TTYH2: variants seen among roughly 807,000 people sequenced by gnomAD.
The protein encoded by TTYH2 is tweety family member 2, also known as protein tweety homolog 2.
A neutral mutation model predicts 68.3 loss-of-function variants in TTYH2; 49 were observed. That is an observed-to-expected ratio of 0.72 (90% CI 0.57 to 0.91). The LOEUF (loss-of-function observed/expected upper bound fraction) is 0.91. Among genes scored for constraint, TTYH2 ranks in the 40% least tolerant of loss-of-function variants. The pLI is 0.00. For synonymous variants in TTYH2, 272 were observed against 300.8 expected, an observed-to-expected ratio of 0.90 and a Z score of 0.99; for missense variants, 631 against 700.4, an observed-to-expected ratio of 0.90 and a Z score of 1.12.
intron 3 of TTYH2, among the ~76,000 whole-genome samples, chr17:74,235,572 G>T (rs1422529264): frequency 1.3e-5 from 2 of 152,198 alleles, no homozygotes; most frequent in African/African-American, 4.8e-5. Flanking sequence ...AGCCAGCTAG[G>T]GTTGACCACT....
At position 74,234,335 on chromosome 17, in the gene TTYH2, C is replaced by G. The variant is rs116032671; in HGVS notation, c.415-2959C>G. 8.2e-3 allele frequency among the ~76,000 whole-genome samples: 1,256 copies of G among 152,318 alleles called. 11 individuals are homozygous for G. Among genetic ancestry groups the G allele is most frequent in the African/African-American group, 0.018 (762 of 41,566 alleles). ...CCCAGCCTGGAAAACTGACCTGTCC[C>G]TCCTGTTCTCAGAGCTTTCCGTGAG... On this transcript the variant is annotated intron_variant, in intron 3 of 13. Coordinates refer to ENST00000269346, the MANE Select transcript of TTYH2 (RefSeq NM_032646.6).
At position 74,214,301 on chromosome 17, in the gene TTYH2, C is replaced by T. The variant is rs1336976066; in HGVS notation, c.129+585C>T. Among the ~76,000 whole-genome samples, 1 of 152,106 alleles carries T rather than the reference C, an allele frequency of 6.6e-6. No individual in the cohort carries two copies. Among genetic ancestry groups the T allele is most frequent in the Non-Finnish European group, 1.5e-5 (1 of 68,014 alleles). On this transcript the variant is annotated intron_variant, in intron 1 of 13. Transcript: ENST00000269346. The surrounding 1 kb of genome is among the most constrained non-coding windows in gnomAD (Gnocchi z 4.6). Reference sequence around the variant, plus strand: ...TTGGGGAAGCGGTGTGGGTCACTTCCCCTCTAGCGCAGAGAACCCACAGCT... The same window carrying T: ...TTGGGGAAGCGGTGTGGGTCACTTCTCCTCTAGCGCAGAGAACCCACAGCT...
At chr17:74,218,781 A>C (rs976144494) in intron 1 of TTYH2, among the ~76,000 whole-genome samples, 1 of 152,068 alleles carries the variant, frequency 6.6e-6, no homozygotes, top group Non-Finnish European at 1.5e-5. Flanking sequence ...CTGGGTGGGG[A>C]CATTGGTAGA....
At chr17:74,244,599 A>G in intron 6 of TTYH2, among the ~76,000 whole-genome samples, 1 of 150,852 alleles carries the variant, frequency 6.6e-6, no homozygotes, top group East Asian at 1.9e-4. Flanking sequence ...AAATGGCTTA[A>G]AAAAAAAAAG....
Position 74,260,435 on chromosome 17 carries a change from C to T in TTYH2, c.*226C>T, listed in dbSNP as rs1047814290. The stretch of plus-strand genomic sequence containing the variant: ...CCTGCTCTCCACACCAGAAATGCCC[C>T]CAGGTGCTTGGCTGCCTCAGAGGTA... On this transcript the variant is annotated 3_prime_UTR_variant, in exon 14 of 14. Transcript: ENST00000269346. The T allele has an allele frequency of 1.1e-5, 6 of 554,928 alleles. No homozygotes were observed. The highest frequency in any genetic ancestry group is 5.7e-5 in the African/African-American group (3 of 52,708). The allele number at this position is 554,928 out of a possible 1,614,324, so 34.4% of individuals were successfully genotyped here.
rs919003773 is a variant in TTYH2 at position 74,249,171 on chromosome 17, A to G, written c.874+91A>G. The G allele has an allele frequency of 2.3e-5, 36 of 1,587,120 alleles. No individual in the cohort carries two copies. In the African/African-American group the frequency reaches 4.2e-4, roughly 18 times the overall value. On this transcript the variant is annotated intron_variant, in intron 7 of 13. Transcript: ENST00000269346. ...CCTCTTTCAGCCCTGTAGCCATCCA[A>G]CCCCTCCTCAACCCTGAACTTCAAG...
intron 2 of TTYH2, among the ~76,000 whole-genome samples, chr17:74,230,586 G>A (rs1044331776): frequency 2.0e-5 from 3 of 151,996 alleles, no homozygotes; most frequent in South Asian, 2.1e-4. Flanking sequence ...AGATATATGG[G>A]AACTCTCTAC....
chr17:74,231,393 C>T (rs2050388263), intron 3 of TTYH2, among the ~76,000 whole-genome samples: 1 of 152,160 alleles, frequency 6.6e-6, no homozygotes, highest in Non-Finnish European at 1.5e-5. Flanking sequence ...GGAAAAAACT[C>T]TCTTCAGAGA....
chr17:74,238,082 A>C (rs2050461882), intron 4 of TTYH2, among the ~76,000 whole-genome samples: 2 of 152,224 alleles, frequency 1.3e-5, no homozygotes, highest in Non-Finnish European at 2.9e-5. Flanking sequence ...CCCGCGCCAA[A>C]GGCTGGACCT....
Position 74,222,419 on chromosome 17 carries a change from C to A in TTYH2, c.130-66C>A. The A allele has an allele frequency of 6.6e-7, 1 of 1,511,118 alleles. No homozygotes were observed. The highest frequency in any genetic ancestry group is 8.9e-7 in the Non-Finnish European group (1 of 1,127,364). 93.6% of individuals were successfully genotyped at this position (1,511,118 alleles called of 1,614,324 possible). On this transcript the variant is annotated intron_variant, in intron 1 of 13. Transcript: ENST00000269346. The surrounding 1 kb of genome is among the most constrained non-coding windows in gnomAD (Gnocchi z 5.2). ...CAGTGGGGCACTCAGGGCCCAAGGGCAGGGCACTTCCAGAGCCCCGCACTG... is the reference window on the plus strand; with the variant it reads ...CAGTGGGGCACTCAGGGCCCAAGGGAAGGGCACTTCCAGAGCCCCGCACTG...
At position 74,226,419 on chromosome 17, in the gene TTYH2, A is replaced by C. The variant is rs78420067; in HGVS notation, c.302+3762A>C. On this transcript the variant is annotated intron_variant, in intron 2 of 13. Coordinates refer to ENST00000269346, the MANE Select transcript of TTYH2 (RefSeq NM_032646.6). ...AGTCACTGGGCAGCGTGTTCCAGGA[A>C]GAGGAACCAAGCTGACCACTGCACG... 1.5e-3 allele frequency among the ~76,000 whole-genome samples: 223 copies of C among 152,182 alleles called. 1 individual carries two copies. The highest frequency in any genetic ancestry group is 5.0e-3 in the African/African-American group (208 of 41,510).
rs1467860785 is a variant in TTYH2 at position 74,213,787 on chromosome 17, G to C, written c.129+71G>C. On this transcript the variant is annotated intron_variant, in intron 1 of 13. Transcript: ENST00000269346. This position sits in a 1 kb window ranked among gnomAD's most constrained non-coding sequence, Gnocchi z 6.1. The stretch of plus-strand genomic sequence containing the variant: ...CCCGCACTACCCCCTCTCCCCTCGA[G>C]AGCCTGCACTTTCCCACGTGCCTCT... 2.6e-6 allele frequency: 4 copies of C among 1,551,744 alleles called. No individual in the cohort carries two copies. The East Asian group carries it at 9.8e-5, about 38-fold the overall frequency.
At chr17:74,240,438 CAAAA>C (rs762865595) in intron 4 of TTYH2, among the ~76,000 whole-genome samples, 1 of 117,884 alleles carries the variant, frequency 8.5e-6, no homozygotes, top group Non-Finnish European at 1.8e-5. Flanking sequence ...GACTCTGTCT[CAAAA>C]AAAAAAAAAA....
At position 74,243,392 on chromosome 17, in the gene TTYH2, G is replaced by A. The variant is rs764634382; in HGVS notation, c.654G>A (p.Leu218=). ...VEYYRWLSYL[L]LFILDLVICL... Reference sequence around the variant, plus strand: ...TACCCAGGTGGCTCTCCTACCTCCTGCTCTTTATCCTGGACCTGGTCATCT... The same window carrying A: ...TACCCAGGTGGCTCTCCTACCTCCTACTCTTTATCCTGGACCTGGTCATCT... Residue 218 remains leucine (L), a synonymous_variant, in exon 5 of 14, where the codon CTG becomes CTA. Coordinates refer to ENST00000269346, the MANE Select transcript of TTYH2 (RefSeq NM_032646.6). 69 of 1,614,048 alleles carry A rather than the reference G, an allele frequency of 4.3e-5. No homozygotes were observed. Among genetic ancestry groups the A allele is most frequent in the Middle Eastern group, 1.6e-4 (1 of 6,082 alleles).
intron 6 of TTYH2, among the ~76,000 whole-genome samples, 192 bp downstream of exon 6, chr17:74,244,241 G>C (rs918113398): frequency 2.6e-5 from 4 of 152,232 alleles, no homozygotes; most frequent in Non-Finnish European, 5.9e-5. Flanking sequence ...GAGAAAGGAA[G>C]GGGACTGCCC....
chr17:74,248,514 A>G, intron 6 of TTYH2: 1 of 992,300 alleles, frequency 1.0e-6, no homozygotes, highest in Non-Finnish European at 1.2e-6. Context: ...CTCATTCTTT[A>G]GAAAGAGTTT....
chr17:74,222,244 TCACTGACCACGAGGCCCAC>T lies in TTYH2; in HGVS notation c.130-236_130-218del, dbSNP rs1391052263. 6.6e-6 allele frequency among the ~76,000 whole-genome samples: 1 copy of T among 152,128 alleles called. No individual in the cohort carries two copies. Among genetic ancestry groups the T allele is most frequent in the Admixed American group, 6.5e-5 (1 of 15,282 alleles). ...GGAGACCAGCTCTGGCACCCCTCCC[TCACTGACCACGAGGCCCAC>T]CACTTGGCCTCATGCCCTGTAAGCT... On this transcript the variant is annotated intron_variant, in intron 1 of 13. Coordinates refer to ENST00000269346, the MANE Select transcript of TTYH2 (RefSeq NM_032646.6). This position sits in a 1 kb window ranked among gnomAD's most constrained non-coding sequence, Gnocchi z 5.2.
Position 74,217,795 on chromosome 17 carries a change from A to G in TTYH2, c.129+4079A>G, listed in dbSNP as rs966163971. ...CGCTGCCATGGTCACTGCGGCCCCC[A>G]ACTTGGGTCCCAGCTTGGCACTCTC... On this transcript the variant is annotated intron_variant, in intron 1 of 13. Transcript: ENST00000269346. The surrounding 1 kb of genome is among the most constrained non-coding windows in gnomAD (Gnocchi z 4.0). Among the ~76,000 whole-genome samples, 19 of 152,266 alleles carry G rather than the reference A, an allele frequency of 1.2e-4. No individual in the cohort carries two copies. The highest frequency in any genetic ancestry group is 3.4e-3 in the Middle Eastern group (1 of 294).
intron 4 of TTYH2, among the ~76,000 whole-genome samples, chr17:74,242,001 G>A (rs1021314662): frequency 6.6e-6 from 1 of 152,200 alleles, no homozygotes; most frequent in Non-Finnish European, 1.5e-5. Context: ...AAGCAGGAGG[G>A]CAGGGCCTTT....
Sources: allele counts gnomAD v4.1 joint callset (sites outside exome capture counted in the v4.1 genomes callset), GRCh38; gene constraint gnomAD v4.1.1; non-coding constraint Gnocchi (gnomAD v3.1); transcripts MANE v1.5; gene names NCBI Gene and HGNC (gene_info 2026-07-23, HGNC 2026-07-21).